GABRG3: variants seen among roughly 807,000 people sequenced by gnomAD.
The protein encoded by GABRG3 is gamma-aminobutyric acid type A receptor subunit gamma3, also known as gamma-aminobutyric acid receptor subunit gamma-3.
Under a neutral mutation model 48.8 loss-of-function variants are expected in GABRG3, and 25 were observed. The observed-to-expected ratio is 0.51, with a 90% CI of 0.37 to 0.72. The LOEUF is 0.72. GABRG3 is among the 30% of genes least tolerant of loss of function. The pLI is 0.00. For missense variants in GABRG3, 394 were observed against 577.9 expected (o/e 0.68, Z 3.26); for synonymous variants, 227 against 217.6 (o/e 1.04, Z -0.38).
intron 3 of GABRG3, among the ~76,000 whole-genome samples, chr15:27,249,353 A>G (rs1025245538): frequency 2.0e-5 from 3 of 152,124 alleles, no homozygotes; most frequent in African/African-American, 7.2e-5. Context: ...TTCCTCCGCA[A>G]TCCCGGCTGC....
chr15:26,990,803 AT>A (rs36038223), intron 2 of GABRG3, among the ~76,000 whole-genome samples: 46,059 of 129,418 alleles, frequency 0.36, 7,756 homozygotes, highest in South Asian at 0.47. Context: ...ATCCATTTTG[AT>A]TTTTTTTTTT....
At chr15:27,307,804 C>CATATGTTTATAT (rs1212256352) in intron 3 of GABRG3, among the ~76,000 whole-genome samples, 1 of 108,660 alleles carries the variant, frequency 9.2e-6, no homozygotes, top group Non-Finnish European at 1.8e-5. Context: ...ATAAAATAAA[C>CATATGTTTATAT]ATAAACATAT....
chr15:27,021,574 C>T (rs1248662510), intron 2 of GABRG3, among the ~76,000 whole-genome samples: 3 of 152,334 alleles, frequency 2.0e-5, no homozygotes, highest in South Asian at 2.1e-4. Flanking sequence ...AGTCCAGTGG[C>T]TTACACCTGG....
intron 2 of GABRG3, among the ~76,000 whole-genome samples, chr15:26,983,448 T>TAATTTG (rs1254376447): frequency 1.3e-5 from 2 of 152,136 alleles, no homozygotes; most frequent in African/African-American, 2.4e-5. Flanking sequence ...TGGTCTAAAT[T>TAATTTG]AACCTGTTTA....
chr15:27,311,178 A>C (rs1892979823), intron 3 of GABRG3, among the ~76,000 whole-genome samples: 1 of 152,146 alleles, frequency 6.6e-6, no homozygotes, highest in Non-Finnish European at 1.5e-5. Flanking sequence ...AGCATGGACA[A>C]ATTTCCTGTG....
intron 3 of GABRG3, among the ~76,000 whole-genome samples, chr15:27,101,776 A>C (rs1187843057): frequency 1.0e-4 from 15 of 148,790 alleles, no homozygotes. Flanking sequence ...CCTGGGCCAC[A>C]CTGGAAGACC....
At chr15:27,229,146 A>G (rs573259888) in intron 3 of GABRG3, among the ~76,000 whole-genome samples, 42 of 152,230 alleles carry the variant, frequency 2.8e-4, no homozygotes, top group African/African-American at 1.0e-3. Context: ...GCCCGTTCCT[A>G]TGTCCAGGGT....
At chr15:27,086,296 T>C (rs1476537643) in intron 3 of GABRG3, among the ~76,000 whole-genome samples, 1 of 152,106 alleles carries the variant, frequency 6.6e-6, no homozygotes, top group Non-Finnish European at 1.5e-5. Context: ...AGCCTGCTCC[T>C]ACTGGGGACA....
intron 3 of GABRG3, among the ~76,000 whole-genome samples, chr15:27,254,888 C>G (rs74004754): frequency 6.6e-6 from 1 of 150,586 alleles, no homozygotes; most frequent in African/African-American, 2.4e-5. Flanking sequence ...GAGAGACAGA[C>G]ACAGACAGAC....
intron 2 of GABRG3, among the ~76,000 whole-genome samples, chr15:27,010,107 G>C (rs902613549): frequency 1.3e-5 from 2 of 152,092 alleles, no homozygotes; most frequent in Non-Finnish European, 2.9e-5. Context: ...ACCAAGCCCA[G>C]CTAATTTTTG....
chr15:27,307,205 A>T (rs1452030207), intron 3 of GABRG3, among the ~76,000 whole-genome samples: 5 of 137,646 alleles, frequency 3.6e-5, no homozygotes, highest in Non-Finnish European at 7.8e-5. Flanking sequence ...TATAATACAA[A>T]CATGTTTATA....
chr15:27,111,109 TCA>T (rs1261842386), intron 3 of GABRG3, among the ~76,000 whole-genome samples: 1 of 152,208 alleles, frequency 6.6e-6, no homozygotes, highest in African/African-American at 2.4e-5. Context: ...TCTTTCTGTT[TCA>T]GTTTGTGCAG....
At chr15:27,096,820 C>G (rs921200659) in intron 3 of GABRG3, among the ~76,000 whole-genome samples, 1 of 143,006 alleles carries the variant, frequency 7.0e-6, no homozygotes, top group South Asian at 2.3e-4. Context: ...AAATGAGATT[C>G]TTTTCTTTTC....
intron 6 of GABRG3, among the ~76,000 whole-genome samples, chr15:27,497,677 G>A (rs1595793194): frequency 6.6e-6 from 1 of 152,158 alleles, no homozygotes; most frequent in African/African-American, 2.4e-5. Flanking sequence ...TTTGATTAGG[G>A]TAGAGTTTTA....
chr15:27,012,798 G>A lies in GABRG3; in HGVS notation c.203-13956G>A, dbSNP rs141100219. ...ACTGTGATTTAAATGCTAAGAAAGTGGAGACTTTGTGTCTTGATTATGCTC... is the reference window on the plus strand; with the variant it reads ...ACTGTGATTTAAATGCTAAGAAAGTAGAGACTTTGTGTCTTGATTATGCTC... On this transcript the variant is annotated intron_variant, in intron 2 of 9. Coordinates refer to ENST00000615808, the MANE Select transcript of GABRG3 (RefSeq NM_033223.5). Among the ~76,000 whole-genome samples the A allele has an allele frequency of 1.5e-4, 23 of 152,250 alleles. No homozygotes were observed. In the East Asian group the frequency reaches 4.2e-3, roughly 28 times the overall value.
At chr15:27,341,466 C>A (rs146363176) in intron 5 of GABRG3, among the ~76,000 whole-genome samples, 1,866 of 152,306 alleles carry the variant, frequency 0.012, 20 homozygotes, top group Non-Finnish European at 0.021. Context: ...CTGCGCCTGG[C>A]CTGCAGGAAG....
At chr15:27,333,686 C>T (rs986993215) in intron 5 of GABRG3, among the ~76,000 whole-genome samples, 3 of 152,152 alleles carry the variant, frequency 2.0e-5, no homozygotes, top group Admixed American at 2.0e-4. Flanking sequence ...TACTAGTTTG[C>T]CTGCCACGAG....
At chr15:27,092,005 G>T (rs1301327852) in intron 3 of GABRG3, among the ~76,000 whole-genome samples, 1 of 152,158 alleles carries the variant, frequency 6.6e-6, no homozygotes. Context: ...CACCCCAGAG[G>T]TCCCTGCTCC....
At chr15:27,389,869 G>T (rs534329255) in intron 5 of GABRG3, among the ~76,000 whole-genome samples, 1 of 152,266 alleles carries the variant, frequency 6.6e-6, no homozygotes, top group East Asian at 1.9e-4. Context: ...TAAAAGCAGC[G>T]CAAAATATGC....
Sources: gnomAD v4.1 joint callset for allele counts (sites outside exome capture counted in the v4.1 genomes callset) on GRCh38, gnomAD v4.1.1 for gene constraint, MANE v1.5 for transcripts, NCBI Gene and HGNC (gene_info 2026-07-23, HGNC 2026-07-21) for gene names.